The following SUMF1 variants were observed in gnomAD, a reference collection of about 807,000 sequenced individuals.
SUMF1 encodes the protein sulfatase modifying factor 1.
A neutral mutation model predicts 47.6 loss-of-function variants in SUMF1; 48 were observed. The observed-to-expected ratio is 1.01, with a 90% CI of 0.80 to 1.28. The LOEUF is 1.28. SUMF1 is among the 50% of genes most tolerant of loss of function. SUMF1 has a pLI of 0.00. For missense variants in SUMF1, 571 were observed against 485.4 expected, an observed-to-expected ratio of 1.18 and a Z score of -1.66; for synonymous variants, 230 against 192.1, an observed-to-expected ratio of 1.20 and a Z score of -1.63.
intron 8 of SUMF1, among the ~76,000 whole-genome samples, chr3:4,210,764 G>A (rs1695761881): frequency 6.6e-6 from 1 of 152,040 alleles, no homozygotes; most frequent in African/African-American, 2.4e-5. Flanking sequence ...AGGATGCAAA[G>A]TATTGATCCT....
chr3:4,044,578 A>G lies in SUMF1; in HGVS notation c.1191+23991T>C, dbSNP rs961813464. 3.2e-4 allele frequency among the ~76,000 whole-genome samples: 49 copies of G among 152,248 alleles called. 1 individual carries two copies. The highest frequency in any genetic ancestry group is 1.0e-3 in the African/African-American group (43 of 41,470). ...CTCAATTAAAGAAAGATGAAAGTTC[A>G]GCTTTCTATAATTAAACCAATAACT... is the stretch of plus-strand genomic sequence containing the variant. On this transcript the variant is annotated intron_variant and NMD_transcript_variant, in intron 9 of 12. Transcript: ENST00000448413.
chr3:4,113,509 C>A (rs773751637), intron 8 of SUMF1, among the ~76,000 whole-genome samples: 2 of 151,716 alleles, frequency 1.3e-5, no homozygotes, highest in Non-Finnish European at 2.9e-5. Flanking sequence ...GCCTGGGTCA[C>A]AGTGAGACCC....
At chr3:4,440,199 C>A (rs1359458140) in intron 3 of SUMF1, among the ~76,000 whole-genome samples, 2 of 145,982 alleles carry the variant, frequency 1.4e-5, no homozygotes, top group African/African-American at 5.1e-5. Flanking sequence ...GAGATCATCA[C>A]ACCACTGCAC....
chr3:4,219,308 G>A (rs1290016330), intron 8 of SUMF1, among the ~76,000 whole-genome samples: 1 of 152,162 alleles, frequency 6.6e-6, no homozygotes, highest in African/African-American at 2.4e-5. Context: ...GGCAGAGGAG[G>A]TATTGCTGAT....
At chr3:4,246,400 G>A (rs1575015383) in intron 8 of SUMF1, among the ~76,000 whole-genome samples, 1 of 151,708 alleles carries the variant, frequency 6.6e-6, no homozygotes, top group Admixed American at 6.6e-5. Context: ...TGGAGTTTTT[G>A]TTTGTTTTTG....
chr3:4,265,287 A>G (rs1042130966), intron 8 of SUMF1, among the ~76,000 whole-genome samples: 2 of 152,112 alleles, frequency 1.3e-5, no homozygotes, highest in African/African-American at 4.8e-5. Flanking sequence ...TGAGTATCTT[A>G]AAGATAATGT....
At chr3:4,454,015 A>G (rs908914001) in intron 1 of SUMF1, among the ~76,000 whole-genome samples, 5 of 152,254 alleles carry the variant, frequency 3.3e-5, no homozygotes, top group African/African-American at 9.6e-5. Flanking sequence ...TTTCTTTTGA[A>G]TTATTTTTAA....
At chr3:4,337,387 C>A (rs1322070499) in intron 8 of SUMF1, among the ~76,000 whole-genome samples, 1 of 152,110 alleles carries the variant, frequency 6.6e-6, no homozygotes, top group Non-Finnish European at 1.5e-5. Context: ...CACTGCTACA[C>A]CCCTGGGAAA....
In SUMF1 at chr3:4,271,836, A is replaced by C. The variant is rs1220395594; in HGVS notation, c.1014+104494T>G. On this transcript the variant is annotated intron_variant and NMD_transcript_variant, in intron 8 of 12. Coordinates refer to the SUMF1 transcript ENST00000448413. ...TAAACATTAATTAAAAACTAAAATC[A>C]TAGCTTGTGCTCAGAAGTGTCCCTA... Among the ~76,000 whole-genome samples, 4 of 152,172 alleles carry C rather than the reference A, an allele frequency of 2.6e-5. No homozygotes were observed. In the East Asian group the frequency reaches 7.7e-4, roughly 29 times the overall value.
chr3:4,136,223 C>A lies in SUMF1; in HGVS notation c.1015-67478G>T, dbSNP rs540696031. Reference sequence around the variant, plus strand: ...AGGCATCATGCTACCTGACTTCATACTATACTACAAGGCTACAGTAACCAA... The same window carrying A: ...AGGCATCATGCTACCTGACTTCATAATATACTACAAGGCTACAGTAACCAA... On this transcript the variant is annotated intron_variant and NMD_transcript_variant, in intron 8 of 12. Coordinates refer to the SUMF1 transcript ENST00000448413. 2.0e-5 allele frequency among the ~76,000 whole-genome samples: 3 copies of A among 152,270 alleles called. No homozygotes were observed. In the South Asian group the frequency reaches 6.2e-4, roughly 32 times the overall value.
chr3:4,101,774 A>T lies in SUMF1; in HGVS notation c.1015-33029T>A, dbSNP rs74460835. 7.0e-3 allele frequency among the ~76,000 whole-genome samples: 1,060 copies of T among 152,250 alleles called. 25 individuals are homozygous for T. The highest frequency in any genetic ancestry group is 0.024 in the African/African-American group (1,015 of 41,522). On this transcript the variant is annotated intron_variant and NMD_transcript_variant, in intron 8 of 12. Coordinates refer to the SUMF1 transcript ENST00000448413. ...TGTTATCAATTTTTTTCAGAGAGGT[A>T]GAAAATGTGAGTTTTATTAAAATGT...
chr3:4,180,304 T>A (rs1268843131), intron 8 of SUMF1, among the ~76,000 whole-genome samples: 3 of 152,216 alleles, frequency 2.0e-5, no homozygotes, highest in African/African-American at 7.2e-5. Flanking sequence ...CAAATGTCCA[T>A]CAATGATAGA....
At chr3:4,301,081 G>A (rs1011834974) in intron 8 of SUMF1, among the ~76,000 whole-genome samples, 1 of 152,112 alleles carries the variant, frequency 6.6e-6, no homozygotes, top group Non-Finnish European at 1.5e-5. Context: ...AATAGTTGCA[G>A]GGAACATAAG....
chr3:4,415,640 C>G (rs1701688652), intron 6 of SUMF1, among the ~76,000 whole-genome samples: 1 of 152,144 alleles, frequency 6.6e-6, no homozygotes, highest in Non-Finnish European at 1.5e-5. Context: ...TGGTAAAACC[C>G]TGTCTCTACT....
intron 8 of SUMF1, among the ~76,000 whole-genome samples, chr3:4,333,673 A>G (rs1256333183): frequency 6.6e-6 from 1 of 152,180 alleles, no homozygotes; most frequent in Non-Finnish European, 1.5e-5. Context: ...AACCCCAATC[A>G]GCCCATTTTG....
chr3:4,179,697 T>C (rs541041559), intron 8 of SUMF1, among the ~76,000 whole-genome samples: 2 of 151,944 alleles, frequency 1.3e-5, no homozygotes, highest in East Asian at 3.9e-4. Context: ...ACAAATGGGA[T>C]CTAATTAAAC....
At chr3:4,262,141 G>C (rs1027579490) in intron 8 of SUMF1, among the ~76,000 whole-genome samples, 2 of 152,104 alleles carry the variant, frequency 1.3e-5, no homozygotes, top group Non-Finnish European at 2.9e-5. Flanking sequence ...CTAAAGGGTA[G>C]TGTAACTGCC....
At chr3:4,411,300 G>A (rs986561999) in intron 6 of SUMF1, among the ~76,000 whole-genome samples, 1 of 152,166 alleles carries the variant, frequency 6.6e-6, no homozygotes, top group African/African-American at 2.4e-5. Flanking sequence ...GGAGAGGATA[G>A]ATGATACTTA....
intron 8 of SUMF1, among the ~76,000 whole-genome samples, chr3:4,087,526 G>A (rs951404214): frequency 2.0e-5 from 3 of 151,916 alleles, no homozygotes; most frequent in Non-Finnish European, 4.4e-5. Context: ...TTTGGTCTGA[G>A]GATTCTTAAA....
Sources: allele counts gnomAD v4.1 joint callset (sites outside exome capture counted in the v4.1 genomes callset), GRCh38; gene constraint gnomAD v4.1.1; transcripts MANE v1.5; gene names NCBI Gene and HGNC (gene_info 2026-07-23, HGNC 2026-07-21).